The following UBXN8 variants were observed in gnomAD, a reference collection of about 807,000 sequenced individuals.
UBXN8 encodes the protein UBX domain protein 8.
Under a neutral mutation model 32.1 loss-of-function variants are expected in UBXN8, and 27 were observed. That is an observed-to-expected ratio of 0.84 (90% confidence interval 0.62 to 1.16). The LOEUF is 1.16. Among genes scored for constraint, UBXN8 ranks in the 50% most tolerant of loss-of-function variants. UBXN8 has a pLI of 0.00. For synonymous variants in UBXN8, 109 were observed against 111.8 expected, an observed-to-expected ratio of 0.98 and a Z score of 0.16; for missense variants, 306 against 311.4, an observed-to-expected ratio of 0.98 and a Z score of 0.13.
intron 1 of UBXN8, among the ~76,000 whole-genome samples, chr8:30,733,689 G>A (rs1805017913): frequency 6.6e-6 from 1 of 152,116 alleles, no homozygotes; most frequent in Non-Finnish European, 1.5e-5. Flanking sequence ...GCCAGCCACC[G>A]TGCCCAGCCT....
upstream of UBXN8, among the ~76,000 whole-genome samples, chr8:30,740,529 C>A (rs1302292733): frequency 1.7e-5 from 2 of 118,606 alleles, no homozygotes; most frequent in Non-Finnish European, 3.6e-5. Flanking sequence ...ATAGTAAGAC[C>A]CCATCTCCTG....
At position 30,766,285 on chromosome 8, in the gene UBXN8, C is replaced by T. The variant is rs924312083; in HGVS notation, c.704C>T (p.Thr235Ile). 1.2e-6 allele frequency: 2 copies of T among 1,613,888 alleles called. No homozygotes were observed. The highest frequency in any genetic ancestry group is 8.5e-7 in the Non-Finnish European group (1 of 1,179,822). Residue 235 changes from threonine to isoleucine, a missense_variant, in exon 8 of 8, where the codon ACT becomes ATT. Thr to Ile is a moderately conservative substitution (Grantham distance 89). Transcript: ENST00000265616. ...GYHISLYSLSTSFPRRPLAVE... is the reference protein window; with the variant it reads ...GYHISLYSLSISFPRRPLAVE... ...CACATATCTCTATACAGCCTTTCTA[C>T]TTCCTTTCCCAGACGGCCTCTGGCA...
chr8:30,744,503 A>T (rs1805309548), intron 1 of UBXN8: 1 of 599,240 alleles, frequency 1.7e-6, no homozygotes, highest in African/African-American at 1.9e-5. Context: ...CAAAGAGCAC[A>T]GGGGCAATCA....
At position 30,754,706 on chromosome 8, in the gene UBXN8, A is replaced by T; in HGVS notation, c.324A>T (p.Glu108Asp). 6.4e-7 allele frequency: 1 copy of T among 1,562,576 alleles called. No individual in the cohort carries two copies. Among genetic ancestry groups the T allele is most frequent in the Non-Finnish European group, 8.6e-7 (1 of 1,164,820 alleles). Residue 108 changes from glutamate (E) to aspartate (D), a missense_variant, in exon 4 of 8, where the codon GAA (glutamate) becomes GAT (aspartate). By Grantham distance (45) the Glu-to-Asp change is conservative. Transcript: ENST00000265616. ...YIENVLKPHQ[E>D]MKLRKLEERF... ...AGAATGTTTTAAAACCTCACCAGGA[A>T]ATGAAATTGAGAAAACTGGAGGAGC...
At chr8:30,758,839 G>C (rs1805732268) in intron 5 of UBXN8, among the ~76,000 whole-genome samples, 1 of 149,848 alleles carries the variant, frequency 6.7e-6, no homozygotes, top group African/African-American at 2.5e-5. Context: ...TATTAATAAA[G>C]AGTTCCTGGA....
At chr8:30,758,188 G>T (rs112974944) in intron 5 of UBXN8, among the ~76,000 whole-genome samples, 1 of 152,112 alleles carries the variant, frequency 6.6e-6, no homozygotes, top group African/African-American at 2.4e-5. Context: ...GAGCCACTGC[G>T]CCCAGCCGAA....
At chr8:30,730,514 C>T (rs1192253645), upstream of UBXN8, among the ~76,000 whole-genome samples, 1 of 152,158 alleles carries the variant, frequency 6.6e-6, no homozygotes, top group African/African-American at 2.4e-5. Context: ...CGGCTGATTA[C>T]CAAAACCCCC....
chr8:30,749,392 C>CAA lies in UBXN8; in HGVS notation c.89-1993_89-1992dup, dbSNP rs762244650. On this transcript the variant is annotated intron_variant, in intron 1 of 7. Coordinates refer to ENST00000265616, the MANE Select transcript of UBXN8 (RefSeq NM_005671.4). ...TGAGCAACAGACTGAGGCTCCGTCT[C>CAA]AAAAAAAAAAAATAAAATAAATAAA... Among the ~76,000 whole-genome samples, 221 of 74,646 alleles carry CAA rather than the reference C, an allele frequency of 3.0e-3. 6 individuals carry two copies. In the East Asian group the frequency reaches 0.084, roughly 28 times the overall value. 49.0% of individuals were successfully genotyped at this position (74,646 alleles called of 152,430 possible). A position where few individuals can be genotyped will look rare whatever the true frequency, so the allele number is the denominator to read the frequency against.
intron 1 of UBXN8, among the ~76,000 whole-genome samples, chr8:30,738,435 G>C (rs189066887): frequency 6.6e-6 from 1 of 151,594 alleles, no homozygotes; most frequent in South Asian, 2.1e-4. Flanking sequence ...CGAGGCGGGC[G>C]GATCACAAGG....
intron 5 of UBXN8, among the ~76,000 whole-genome samples, chr8:30,758,900 T>TTTTTTTTTTTTTG (rs1554578741): frequency 0.012 from 1,487 of 121,706 alleles, 2 homozygotes; most frequent in Non-Finnish European, 0.018. Flanking sequence ...TTTTGTTTTT[T>TTTTTTTTTTTTTG]TTTTTTTTTT....
At chr8:30,755,253 C>A (rs973463729) in intron 4 of UBXN8, among the ~76,000 whole-genome samples, 1 of 152,120 alleles carries the variant, frequency 6.6e-6, no homozygotes, top group Non-Finnish European at 1.5e-5. Flanking sequence ...CTGAGCCCAG[C>A]TGGTCTTTGT....
chr8:30,753,866 G>T (rs1805578168), intron 3 of UBXN8, among the ~76,000 whole-genome samples: 1 of 145,046 alleles, frequency 6.9e-6, no homozygotes, highest in South Asian at 2.1e-4. Context: ...TCAAATTCCT[G>T]GGTTCATGGG....
At chr8:30,745,537 G>C (rs933080697) in intron 1 of UBXN8, among the ~76,000 whole-genome samples, 7 of 152,124 alleles carry the variant, frequency 4.6e-5, no homozygotes, top group Admixed American at 4.6e-4. Flanking sequence ...TGCTCACAAG[G>C]AGTCAGATGC....
At chr8:30,762,591 CCG>C (rs1289624367) in intron 6 of UBXN8, among the ~76,000 whole-genome samples, 1 of 152,048 alleles carries the variant, frequency 6.6e-6, no homozygotes, top group Non-Finnish European at 1.5e-5. Context: ...TGGGGTTTCA[CCG>C]TGTTGGCCAG....
At chr8:30,749,277 C>T (rs1292387843) in intron 1 of UBXN8, among the ~76,000 whole-genome samples, 2 of 151,716 alleles carry the variant, frequency 1.3e-5, no homozygotes, top group South Asian at 2.1e-4. Flanking sequence ...CCTGTAGTCC[C>T]AGCTACCCAG....
At chr8:30,744,365 G>C (rs1024118985) in intron 1 of UBXN8, 88 bp downstream of exon 1, 1 of 1,333,154 alleles carries the variant, frequency 7.5e-7, no homozygotes, top group Non-Finnish European at 1.1e-6. Context: ...CGGCTGCGTG[G>C]CTTCGGAGCA....
chr8:30,761,011 CTTGG>C, intron 6 of UBXN8, 82 bp downstream of exon 6: 8 of 1,038,308 alleles, frequency 7.7e-6, no homozygotes, highest in Non-Finnish European at 1.1e-5. Flanking sequence ...CTTATCTAAA[CTTGG>C]GTTTAGAAAG....
upstream of UBXN8, among the ~76,000 whole-genome samples, chr8:30,740,547 A>G (rs981031302): frequency 6.9e-6 from 1 of 145,472 alleles, no homozygotes; most frequent in Admixed American, 7.0e-5. Flanking sequence ...CTGGAAAAAA[A>G]AAAAAAGAAA....
At chr8:30,752,568 C>T (rs978196044) in intron 2 of UBXN8, among the ~76,000 whole-genome samples, 1 of 152,086 alleles carries the variant, frequency 6.6e-6, no homozygotes, top group African/African-American at 2.4e-5. Context: ...GCCTCAGTCG[C>T]CCAAAATGCT....
Sources: allele counts gnomAD v4.1 joint callset (sites outside exome capture counted in the v4.1 genomes callset), GRCh38; gene constraint gnomAD v4.1.1; transcripts MANE v1.5; gene names NCBI Gene and HGNC (gene_info 2026-07-23, HGNC 2026-07-21).